ASIC2: variants seen among roughly 807,000 people sequenced by gnomAD.
ASIC2 encodes the protein acid sensing ion channel subunit 2, also known as acid-sensing ion channel 2.
A neutral mutation model predicts 57.3 loss-of-function variants in ASIC2; 25 were observed. The observed-to-expected ratio is 0.44, with a 90% CI of 0.32 to 0.61. The LOEUF (loss-of-function observed/expected upper bound fraction) is 0.61, where lower values mean the gene tolerates loss of function less well. ASIC2 is among the 20% of genes least tolerant of loss of function. The pLI, the probability that ASIC2 is intolerant of heterozygous loss-of-function variation, is 0.06. For synonymous variants in ASIC2, 319 were observed against 307.5 expected (o/e 1.04, Z -0.39); for missense variants, 641 against 738.1 (o/e 0.87, Z 1.52).
chr17:34,028,710 G>A (rs1462653943), intron 1 of ASIC2, among the ~76,000 whole-genome samples: 1 of 152,182 alleles, frequency 6.6e-6, no homozygotes, highest in Non-Finnish European at 1.5e-5. Flanking sequence ...AGGTGTTCCT[G>A]GAGATGAGCA....
chr17:34,029,800 G>A (rs1203731007), intron 1 of ASIC2, among the ~76,000 whole-genome samples: 2 of 152,200 alleles, frequency 1.3e-5, no homozygotes, highest in Non-Finnish European at 2.9e-5. Flanking sequence ...CTAGAACTGT[G>A]AGAAATAAGT....
intron 1 of ASIC2, among the ~76,000 whole-genome samples, chr17:33,869,348 C>T (rs1003446607): frequency 1.3e-5 from 2 of 152,180 alleles, no homozygotes; most frequent in African/African-American, 4.8e-5. Flanking sequence ...GAAAATCAAC[C>T]TGGCAGTTCC....
intron 1 of ASIC2, among the ~76,000 whole-genome samples, chr17:33,698,448 A>AT (rs998462059): frequency 5.1e-4 from 78 of 152,000 alleles, no homozygotes; most frequent in Non-Finnish European, 6.5e-4. Flanking sequence ...ATTAGCTGTC[A>AT]TTTTTTTTGT....
chr17:33,831,074 A>ACT (rs1194279041), intron 1 of ASIC2, among the ~76,000 whole-genome samples: 1 of 124,508 alleles, frequency 8.0e-6, no homozygotes, highest in South Asian at 3.0e-4. Context: ...GCACCACTGC[A>ACT]CTCCAGCCTG....
chr17:33,887,635 TAGA>T (rs1487285419), intron 1 of ASIC2, among the ~76,000 whole-genome samples: 1 of 152,138 alleles, frequency 6.6e-6, no homozygotes, highest in Admixed American at 6.5e-5. Context: ...TGTACATTTC[TAGA>T]AGATTTAAGT....
chr17:34,062,541 TTGAAACAAAAAAAGATTACAAAAGATAAA>T (rs544292027), intron 1 of ASIC2, among the ~76,000 whole-genome samples: 1 of 151,708 alleles, frequency 6.6e-6, no homozygotes, highest in Non-Finnish European at 1.5e-5. Flanking sequence ...CTAAATGAAA[TTGAAACAAAAAAAGATTACAAAAGATAAA>T]TGAAACAAAA....
At chr17:33,505,075 A>C (rs928029347) in intron 1 of ASIC2, among the ~76,000 whole-genome samples, 1 of 152,194 alleles carries the variant, frequency 6.6e-6, no homozygotes, top group African/African-American at 2.4e-5. Flanking sequence ...CATGGCAAAT[A>C]GCACAATAGA....
chr17:33,540,895 T>C lies in ASIC2; in HGVS notation c.556-428828A>G, dbSNP rs1327501673. ...ATATGTGCTTTTCACACATTTCACA[T>C]CGTTGTTGCAATAGACACAATCCCT... On this transcript the variant is annotated intron_variant, in intron 1 of 9. Transcript: ENST00000359872. Among the ~76,000 whole-genome samples, 6 of 152,236 alleles carry C rather than the reference T, an allele frequency of 3.9e-5. No individual in the cohort carries two copies. In the East Asian group the frequency reaches 1.2e-3, roughly 29 times the overall value.
At chr17:33,917,927 C>T (rs1002731135) in intron 1 of ASIC2, among the ~76,000 whole-genome samples, 33 of 145,660 alleles carry the variant, frequency 2.3e-4, no homozygotes, top group Non-Finnish European at 3.9e-4. Flanking sequence ...TACTGAATAA[C>T]GTGAACTCTC....
intron 1 of ASIC2, among the ~76,000 whole-genome samples, chr17:33,958,985 T>C (rs1440596744): frequency 1.3e-5 from 2 of 152,172 alleles, no homozygotes; most frequent in Non-Finnish European, 2.9e-5. Flanking sequence ...AGGGACAAAA[T>C]GCCACCAGTC....
chr17:33,322,264 T>C (rs1440970289), intron 1 of ASIC2, among the ~76,000 whole-genome samples: 1 of 152,162 alleles, frequency 6.6e-6, no homozygotes, highest in African/African-American at 2.4e-5. Context: ...GGAATGAGTC[T>C]GAATCACCCC....
At chr17:33,983,621 A>G (rs553140787) in intron 1 of ASIC2, among the ~76,000 whole-genome samples, 1 of 152,178 alleles carries the variant, frequency 6.6e-6, no homozygotes, top group Non-Finnish European at 1.5e-5. Context: ...ACCATGAGGC[A>G]ACAGAGGAGG....
At chr17:33,907,292 CT>C (rs1045212043) in intron 1 of ASIC2, among the ~76,000 whole-genome samples, 1 of 152,212 alleles carries the variant, frequency 6.6e-6, no homozygotes, top group African/African-American at 2.4e-5. Context: ...CATCCTTCCC[CT>C]GATGGGAGTG....
At chr17:33,657,669 G>A (rs1247889557) in intron 1 of ASIC2, among the ~76,000 whole-genome samples, 2 of 151,336 alleles carry the variant, frequency 1.3e-5, no homozygotes, top group African/African-American at 4.9e-5. Context: ...GAAACTTCTG[G>A]GCCAGCTCCC....
intron 1 of ASIC2, among the ~76,000 whole-genome samples, chr17:33,937,657 A>C (rs891872803): frequency 1.3e-5 from 2 of 152,146 alleles, no homozygotes; most frequent in Non-Finnish European, 2.9e-5. Context: ...TGTTGGTATA[A>C]ACATATTTTT....
At chr17:33,673,897 C>CTTTTTTTTTT (rs574986885) in intron 1 of ASIC2, among the ~76,000 whole-genome samples, 1,717 of 140,642 alleles carry the variant, frequency 0.012, 42 homozygotes, top group African/African-American at 0.026. Flanking sequence ...GCATCCGTGT[C>CTTTTTTTTTT]TTTTTTTTTT....
chr17:33,077,805 T>TTCCC (rs1421911064), intron 3 of ASIC2, among the ~76,000 whole-genome samples: 1 of 152,194 alleles, frequency 6.6e-6, no homozygotes, highest in African/African-American at 2.4e-5. Context: ...AGACCCCTCC[T>TTCCC]TCCCTTACCC....
At chr17:33,291,310 G>T in intron 1 of ASIC2, 98 bp downstream of exon 1, 1 of 1,459,122 alleles carries the variant, frequency 6.9e-7, no homozygotes, top group Non-Finnish European at 9.0e-7. Context: ...AACACTGCAA[G>T]AGGCCTGGGG....
chr17:33,862,890 A>G (rs757131701), intron 1 of ASIC2, among the ~76,000 whole-genome samples: 4 of 152,204 alleles, frequency 2.6e-5, no homozygotes, highest in Non-Finnish European at 4.4e-5. Flanking sequence ...GGTGAAGACC[A>G]GTGGTTCACC....
Sources: gnomAD v4.1 joint callset for allele counts (sites outside exome capture counted in the v4.1 genomes callset) on GRCh38, gnomAD v4.1.1 for gene constraint, MANE v1.5 for transcripts, NCBI Gene and HGNC (gene_info 2026-07-23, HGNC 2026-07-21) for gene names.